Variants in XXYLT1 observed in about 807,000 individuals in gnomAD.
The protein encoded by XXYLT1 is xyloside xylosyltransferase 1.
A neutral mutation model predicts 28.9 loss-of-function variants in XXYLT1; 20 were observed. The observed-to-expected ratio is 0.69, with a 90% CI of 0.49 to 1.00. XXYLT1 has a LOEUF of 1.00. XXYLT1 is among the 50% of genes least tolerant of loss of function. The probability of loss-of-function intolerance (pLI) is 0.00; values close to 1 mark genes in which losing one functional copy is unlikely to be tolerated. For missense variants in XXYLT1, 542 were observed against 560.1 expected, an observed-to-expected ratio of 0.97 and a Z score of 0.33; for synonymous variants, 257 against 253.8, an observed-to-expected ratio of 1.01 and a Z score of -0.12.
At chr3:195,179,248 G>A (rs540168542) in intron 2 of XXYLT1, among the ~76,000 whole-genome samples, 2 of 151,820 alleles carry the variant, frequency 1.3e-5, no homozygotes, top group African/African-American at 4.8e-5. Context: ...GCTGAGGCAG[G>A]AGAATTGCTT....
At position 195,270,738 on chromosome 3, in the gene XXYLT1, C is replaced by T; in HGVS notation, c.321G>A (p.Lys107=). ...CCTGCAGCGCGGCATTGTGCTCCGC[C>T]TTGGTGAACATCATCAGCAGGTGGT... ...VDYHLLMMFT[K]AEHNAALQAK... The change falls in exon 1 of 4, where the codon AAG becomes AAA. Residue 107 remains lysine (K), a synonymous_variant. Transcript: ENST00000310380. The T allele has an allele frequency of 6.3e-7, 1 of 1,590,162 alleles. No individual in the cohort carries two copies. The highest frequency in any genetic ancestry group is 8.5e-7 in the Non-Finnish European group (1 of 1,172,278).
In XXYLT1 at chr3:195,078,892, G is replaced by A. The variant is rs138646590; in HGVS notation, c.786-8781C>T. 2.6e-5 allele frequency among the ~76,000 whole-genome samples: 4 copies of A among 152,108 alleles called. No individual in the cohort carries two copies. Among genetic ancestry groups the A allele is most frequent in the Non-Finnish European group, 4.4e-5 (3 of 67,992 alleles). ...TGCTGATGGCCCTTCCCTTCACCTT[G>A]ACCACAGTGTCCTCAAACCACACCT... is the stretch of plus-strand genomic sequence containing the variant. On this transcript the variant is annotated intron_variant, in intron 3 of 3. Transcript: ENST00000310380. The surrounding 1 kb of genome is among the most constrained non-coding windows in gnomAD (Gnocchi z 5.0).
intron 2 of XXYLT1, among the ~76,000 whole-genome samples, chr3:195,203,057 C>A (rs1722924587): frequency 6.6e-6 from 1 of 152,106 alleles, no homozygotes; most frequent in Admixed American, 6.5e-5. Context: ...AATCCTACTG[C>A]CTCGGCCTCC....
At chr3:195,111,623 G>C (rs1034345025) in intron 3 of XXYLT1, among the ~76,000 whole-genome samples, 3 of 152,156 alleles carry the variant, frequency 2.0e-5, no homozygotes, top group African/African-American at 7.2e-5. Flanking sequence ...AGGACACGCT[G>C]ATTGTGACCA....
rs1489937295 is a variant in XXYLT1, at chr3:195,180,342, A to G, written c.653-23761T>C. The G allele has an allele frequency of 2.0e-6, 2 of 985,314 alleles. No individual in the cohort carries two copies. Among genetic ancestry groups the G allele is most frequent in the African/African-American group, 3.5e-5 (2 of 57,216 alleles). 61.0% of individuals were successfully genotyped at this position (985,314 alleles called of 1,614,324 possible). On this transcript the variant is annotated intron_variant, in intron 2 of 3. Transcript: ENST00000310380. The surrounding 1 kb of genome is among the most constrained non-coding windows in gnomAD (Gnocchi z 5.8). ...GAGGGCCCAGAAGGAAGGAGCCACA[A>G]AGGTCTGGATGGTTTATCCCCCTGG...
chr3:195,217,005 A>G lies in XXYLT1; in HGVS notation c.652+9704T>C, dbSNP rs1237783235. On this transcript the variant is annotated intron_variant, in intron 2 of 3. Transcript: ENST00000310380. ...CATCCCTGGGATGCAAGGCTGGTTC[A>G]ATATACGCAAATCAATAAATGTAAT... 1.3e-4 allele frequency among the ~76,000 whole-genome samples: 17 copies of G among 131,982 alleles called. 1 individual carries two copies. Among genetic ancestry groups the G allele is most frequent in the Non-Finnish European group, 1.5e-4 (10 of 65,528 alleles). The allele number at this position is 131,982 out of a possible 152,430, so 86.6% of individuals were successfully genotyped here. A position where few individuals can be genotyped will look rare whatever the true frequency, so the allele number is the denominator to read the frequency against.
intron 3 of XXYLT1, among the ~76,000 whole-genome samples, chr3:195,075,964 C>T (rs1715089642): frequency 6.6e-6 from 1 of 152,054 alleles, no homozygotes; most frequent in South Asian, 2.1e-4. Context: ...GCACCGGGCC[C>T]CACAGAGACC....
Position 195,270,836 on chromosome 3 carries a change from G to A in XXYLT1, c.223C>T (p.Arg75Trp), listed in dbSNP as rs1266785587. ...APSPPALELA[R>W]GSVAPAPGAK... ...CCGGGGGCTGGCGCCACGGAGCCCC[G>A]CGCTAGCTCCAGCGCGGGCGGCGAG... Residue 75 changes from arginine (R) to tryptophan (W), a missense_variant, in exon 1 of 4, where the codon CGG becomes TGG. Arg to Trp is a moderately radical substitution (Grantham distance 101, BLOSUM62 -3). Coordinates refer to ENST00000310380, the MANE Select transcript of XXYLT1 (RefSeq NM_152531.5). The A allele has an allele frequency of 5.5e-6, 8 of 1,455,264 alleles. No homozygotes were observed. Among genetic ancestry groups the A allele is most frequent in the Non-Finnish European group, 5.4e-6 (6 of 1,105,688 alleles). 90.1% of individuals were successfully genotyped at this position (1,455,264 alleles called of 1,614,324 possible).
At chr3:195,197,575 T>G (rs547503104) in intron 2 of XXYLT1, among the ~76,000 whole-genome samples, 5 of 152,170 alleles carry the variant, frequency 3.3e-5, no homozygotes, top group Non-Finnish European at 7.3e-5. Flanking sequence ...AGAAACACTA[T>G]GTACCTAAAG....
At position 195,156,495 on chromosome 3, in the gene XXYLT1, G is replaced by T. The variant is rs778069240; in HGVS notation, c.739C>A (p.Pro247Thr). Residue 247 changes from proline (P) to threonine (T), a missense_variant, in exon 3 of 4, where the codon CCA (proline) becomes ACA (threonine). Transcript: ENST00000310380. The stretch of plus-strand genomic sequence containing the variant: ...CGGGCTATGCCGATGATGGCGCCTG[G>T]CAGGAAACTGTCAAATTCCTCAAAC... ...ELFEEFDSFL[P>T]GAIIGIAREM... is the part of the protein sequence containing the mutation. 2.5e-6 allele frequency: 4 copies of T among 1,614,110 alleles called. No homozygotes were observed. The African/African-American group carries it at 5.3e-5, about 22-fold the overall frequency.
At chr3:195,090,396 C>T (rs1299717914) in intron 3 of XXYLT1, among the ~76,000 whole-genome samples, 5 of 150,682 alleles carry the variant, frequency 3.3e-5, no homozygotes, top group East Asian at 3.9e-4. Context: ...CTCAACTACA[C>T]GGAAACTGAA....
intron 3 of XXYLT1, 42 bp from the exon 4 acceptor site, chr3:195,070,153 A>C: frequency 6.7e-7 from 1 of 1,502,918 alleles, no homozygotes. Context: ...GTGCAGGGGA[A>C]CCAGCCTGCC....
At chr3:195,229,015 G>A (rs1450834290) in intron 1 of XXYLT1, among the ~76,000 whole-genome samples, 3 of 151,932 alleles carry the variant, frequency 2.0e-5, no homozygotes, top group Admixed American at 6.6e-5. Context: ...GTTTCACCAT[G>A]TTGGCTAGGC....
intron 1 of XXYLT1, among the ~76,000 whole-genome samples, chr3:195,239,416 C>G (rs557355225): frequency 6.6e-6 from 1 of 152,246 alleles, no homozygotes; most frequent in South Asian, 2.1e-4. Context: ...CTCCCCTCCT[C>G]CCTTTCAAGT....
intron 3 of XXYLT1, among the ~76,000 whole-genome samples, chr3:195,144,577 C>G (rs1719732462): frequency 3.3e-5 from 5 of 151,906 alleles, no homozygotes; most frequent in Admixed American, 3.3e-4. Flanking sequence ...GGGGTTTCAC[C>G]ACATTGGGCA....
At chr3:195,175,537 T>C in intron 2 of XXYLT1, 1 of 1,523,334 alleles carries the variant, frequency 6.6e-7, no homozygotes, top group South Asian at 1.2e-5. Context: ...GCTGTTCAGA[T>C]GGAGATTCCT....
intron 1 of XXYLT1, among the ~76,000 whole-genome samples, chr3:195,243,190 T>C (rs1235439250): frequency 6.6e-6 from 1 of 151,476 alleles, no homozygotes; most frequent in Non-Finnish European, 1.5e-5. Context: ...AAGGGGAACA[T>C]CACACACCAG....
intron 3 of XXYLT1, among the ~76,000 whole-genome samples, chr3:195,103,058 T>G (rs1053307024): frequency 6.6e-6 from 1 of 152,192 alleles, no homozygotes; most frequent in Non-Finnish European, 1.5e-5. Context: ...TGCCAGATTT[T>G]TATATGTCTA....
At chr3:195,072,192 C>T (rs1405631408) in intron 3 of XXYLT1, among the ~76,000 whole-genome samples, 2 of 151,906 alleles carry the variant, frequency 1.3e-5, no homozygotes, top group Non-Finnish European at 2.9e-5. Context: ...CTGTCGACAC[C>T]GGGTGGAAGC....
Sources: gnomAD v4.1 joint callset for allele counts (sites outside exome capture counted in the v4.1 genomes callset) on GRCh38, gnomAD v4.1.1 for gene constraint, Gnocchi (gnomAD v3.1) non-coding constraint, MANE v1.5 for transcripts, NCBI Gene and HGNC (gene_info 2026-07-23, HGNC 2026-07-21) for gene names.